Variants in PCDH15 observed in about 807,000 individuals in gnomAD.
The protein encoded by PCDH15 is protocadherin-15.
Under a neutral mutation model 178.5 loss-of-function variants are expected in PCDH15, and 129 were observed. The observed-to-expected ratio is 0.72, with a 90% confidence interval of 0.63 to 0.84. The LOEUF (loss-of-function observed/expected upper bound fraction) is 0.84, where lower values mean the gene tolerates loss of function less well. PCDH15 is among the 40% of genes least tolerant of loss of function. PCDH15 has a pLI of 0.00. For synonymous variants in PCDH15, 800 were observed against 732.0 expected (o/e 1.09, Z -1.50); for missense variants, 2,230 against 2,099.9 (o/e 1.06, Z -1.21).
intron 2 of PCDH15, among the ~76,000 whole-genome samples, chr10:55,342,140 T>A (rs1430233746): frequency 6.6e-6 from 1 of 151,672 alleles, no homozygotes; most frequent in Non-Finnish European, 1.5e-5. Flanking sequence ...TGAATCAATT[T>A]TTTTAATATT....
intron 26 of PCDH15, among the ~76,000 whole-genome samples, chr10:53,869,553 G>T (rs1296203521): frequency 6.6e-6 from 1 of 151,926 alleles, no homozygotes; most frequent in Non-Finnish European, 1.5e-5. Context: ...CTTTATAAAG[G>T]AATAACAAAC....
At chr10:54,241,144 G>A (rs924034628) in intron 8 of PCDH15, among the ~76,000 whole-genome samples, 7 of 152,082 alleles carry the variant, frequency 4.6e-5, no homozygotes, top group Admixed American at 4.6e-4. Flanking sequence ...GTCCATCTGT[G>A]GCTACTGCCA....
chr10:54,516,923 A>G (rs2082289920), intron 3 of PCDH15, among the ~76,000 whole-genome samples: 1 of 152,264 alleles, frequency 6.6e-6, no homozygotes, highest in African/African-American at 2.4e-5. Context: ...CTTAAAGAAA[A>G]GAATTTTCAA....
At chr10:55,613,491 C>T (rs1462838329) in intron 2 of PCDH15, among the ~76,000 whole-genome samples, 1 of 152,170 alleles carries the variant, frequency 6.6e-6, no homozygotes, top group Non-Finnish European at 1.5e-5. Flanking sequence ...CAGTTATGCT[C>T]TGTATTAAAC....
intron 2 of PCDH15, among the ~76,000 whole-genome samples, chr10:55,369,062 T>C (rs372194711): frequency 2.1e-5 from 3 of 140,794 alleles, no homozygotes; most frequent in African/African-American, 7.9e-5. Context: ...AACATGATCA[T>C]AGTCAGAAGG....
intron 15 of PCDH15, among the ~76,000 whole-genome samples, chr10:54,096,099 G>T (rs2094693944): frequency 6.6e-6 from 1 of 151,894 alleles, no homozygotes; most frequent in South Asian, 2.1e-4. Flanking sequence ...TAAATAATTT[G>T]CCAAAGTTTA....
At chr10:55,282,614 A>G (rs995711355) in intron 1 of PCDH15, among the ~76,000 whole-genome samples, 1 of 152,200 alleles carries the variant, frequency 6.6e-6, no homozygotes, top group African/African-American at 2.4e-5. Flanking sequence ...AAGTCTCCAT[A>G]AAAGAAGTTA....
intron 21 of PCDH15, among the ~76,000 whole-genome samples, chr10:53,982,247 T>C (rs886470915): frequency 2.0e-5 from 3 of 152,200 alleles, no homozygotes; most frequent in Non-Finnish European, 2.9e-5. Context: ...TCAACCACTG[T>C]GGAAGTCAGT....
chr10:55,244,572 TACACAC>T (rs779150750), intron 1 of PCDH15, among the ~76,000 whole-genome samples: 1 of 131,166 alleles, frequency 7.6e-6, no homozygotes, highest in Admixed American at 7.5e-5. Context: ...ACTGAACTTA[TACACAC>T]ACACACACAC....
intron 3 of PCDH15, among the ~76,000 whole-genome samples, chr10:54,444,936 T>C (rs1371671515): frequency 6.6e-6 from 1 of 151,572 alleles, no homozygotes; most frequent in East Asian, 1.9e-4. Flanking sequence ...CATTTTTATA[T>C]GGCCACAGAA....
intron 1 of PCDH15, among the ~76,000 whole-genome samples, chr10:54,796,150 C>T (rs1001097976): frequency 6.6e-6 from 1 of 151,824 alleles, no homozygotes; most frequent in Non-Finnish European, 1.5e-5. Flanking sequence ...CTCACAGCCT[C>T]TCTCTTACAT....
chr10:54,357,978 T>G (rs1177884504), intron 5 of PCDH15, among the ~76,000 whole-genome samples: 1 of 151,954 alleles, frequency 6.6e-6, no homozygotes, highest in East Asian at 1.9e-4. Context: ...AAGCTGAAAC[T>G]GGATCCCTTC....
At chr10:54,399,862 A>G (rs1175664458) in intron 3 of PCDH15, among the ~76,000 whole-genome samples, 3 of 152,154 alleles carry the variant, frequency 2.0e-5, no homozygotes, top group Non-Finnish European at 4.4e-5. Context: ...GAGGTCTCCA[A>G]AGAATCTGCC....
At chr10:55,113,273 G>A (rs1837553328) in intron 2 of PCDH15, among the ~76,000 whole-genome samples, 1 of 151,870 alleles carries the variant, frequency 6.6e-6, no homozygotes, top group Non-Finnish European at 1.5e-5. Flanking sequence ...ATATTTTCTT[G>A]GTGTTTTCCC....
intron 2 of PCDH15, among the ~76,000 whole-genome samples, chr10:54,553,439 C>A (rs2086835697): frequency 6.6e-6 from 1 of 152,114 alleles, no homozygotes; most frequent in Non-Finnish European, 1.5e-5. Context: ...TATTTTAGGA[C>A]TTTTTCTGTG....
At chr10:55,068,687 G>A (rs1841631725) in intron 2 of PCDH15, among the ~76,000 whole-genome samples, 1 of 151,798 alleles carries the variant, frequency 6.6e-6, no homozygotes, top group Admixed American at 6.6e-5. Flanking sequence ...GGGGCAGTAT[G>A]GTCATTTTAA....
intron 2 of PCDH15, among the ~76,000 whole-genome samples, chr10:55,070,722 C>A (rs1300765306): frequency 6.6e-6 from 1 of 152,096 alleles, no homozygotes. Context: ...ATGCCTTCAG[C>A]TTTGTTCTTT....
chr10:55,162,924 A>G (rs1839102309), intron 2 of PCDH15, among the ~76,000 whole-genome samples: 1 of 152,126 alleles, frequency 6.6e-6, no homozygotes, highest in Admixed American at 6.6e-5. Flanking sequence ...TTCTCTAATT[A>G]TTTTTGTAAT....
intron 1 of PCDH15, among the ~76,000 whole-genome samples, chr10:55,195,909 G>C (rs537279574): frequency 2.1e-4 from 32 of 152,078 alleles, no homozygotes; most frequent in African/African-American, 7.5e-4. Context: ...AATATGTAGT[G>C]CAAGTGCTGA....
Sources: gnomAD v4.1 joint callset for allele counts (sites outside exome capture counted in the v4.1 genomes callset) on GRCh38, gnomAD v4.1.1 for gene constraint, MANE v1.5 for transcripts, NCBI Gene and HGNC (gene_info 2026-07-23, HGNC 2026-07-21) for gene names.